The following LMO7 variants were observed in gnomAD, a reference collection of about 807,000 sequenced individuals.
LMO7 encodes the protein LIM domain only protein 7.
In LMO7, 120 loss-of-function variants were observed where a neutral mutation model predicts 206.5. The observed-to-expected ratio is 0.58, with a 90% CI of 0.50 to 0.68. The LOEUF (loss-of-function observed/expected upper bound fraction) is 0.68. LMO7 is among the 30% of genes least tolerant of loss of function. The pLI is 0.00. For missense variants in LMO7, 1,959 were observed against 1,957.9 expected, an observed-to-expected ratio of 1.00 and a Z score of -0.01; for synonymous variants, 706 against 681.5, an observed-to-expected ratio of 1.04 and a Z score of -0.56.
intron 3 of LMO7, among the ~76,000 whole-genome samples, chr13:75,732,498 G>C (rs992575324): frequency 8.5e-5 from 13 of 152,096 alleles, no homozygotes; most frequent in African/African-American, 2.7e-4. Flanking sequence ...GCTCTTCTCT[G>C]TATTGGTTAT....
chr13:75,858,264 G>A lies in LMO7; in HGVS notation c.*321G>A, dbSNP rs2061118061. 1 of 286,438 alleles carries A rather than the reference G, an allele frequency of 3.5e-6. No individual in the cohort carries two copies. Among genetic ancestry groups the A allele is most frequent in the Admixed American group, 5.2e-5 (1 of 19,398 alleles). The allele number at this position is 286,438 out of a possible 1,614,324, so 17.7% of individuals were successfully genotyped here. A position where few individuals can be genotyped will look rare whatever the true frequency, so the allele number is the denominator to read the frequency against. On this transcript the variant is annotated 3_prime_UTR_variant, in exon 31 of 31. Transcript: ENST00000377534. ...ATGATCTAGTTTGACTTTCTAGTTAGTGGTGTTTTGAAGAGGGTATTTTAT... is the reference window on the plus strand; with the variant it reads ...ATGATCTAGTTTGACTTTCTAGTTAATGGTGTTTTGAAGAGGGTATTTTAT...
chr13:75,699,814 G>A (rs993698879), intron 1 of LMO7, among the ~76,000 whole-genome samples: 1 of 152,190 alleles, frequency 6.6e-6, no homozygotes, highest in Non-Finnish European at 1.5e-5. Context: ...CAAGAGCAGA[G>A]AACTGGTCTG....
At chr13:75,706,928 G>A (rs2042701251) in intron 1 of LMO7, among the ~76,000 whole-genome samples, 1 of 151,960 alleles carries the variant, frequency 6.6e-6, no homozygotes, top group African/African-American at 2.4e-5. Context: ...TAAACGTTCT[G>A]AGCCTCGAAT....
chr13:75,682,831 A>G (rs914989716), intron 1 of LMO7, among the ~76,000 whole-genome samples: 3 of 152,208 alleles, frequency 2.0e-5, no homozygotes, highest in African/African-American at 7.2e-5. Flanking sequence ...ATAAATGTCC[A>G]TTGAATTAAT....
chr13:75,776,978 G>T (rs2140204546), intron 4 of LMO7, among the ~76,000 whole-genome samples: 1 of 152,306 alleles, frequency 6.6e-6, no homozygotes, highest in East Asian at 1.9e-4. Flanking sequence ...CTCATTCAGG[G>T]CAGTCCTTTT....
At position 75,807,567 on chromosome 13, in the gene LMO7, C is replaced by T. The variant is rs754523438; in HGVS notation, c.1284C>T (p.Gly428=). 6.2e-7 allele frequency: 1 copy of T among 1,613,966 alleles called. No homozygotes were observed. Among genetic ancestry groups the T allele is most frequent in the South Asian group, 1.1e-5 (1 of 91,082 alleles). Residue 428 remains glycine, a synonymous_variant, in exon 10 of 31, where the codon GGC becomes GGT. Coordinates refer to ENST00000377534, the MANE Select transcript of LMO7 (RefSeq NM_001306080.2). The part of the protein sequence containing the change: ...ETHTKIDPTS[G]PRLITRRKNL... ...ATACCAAAATTGATCCCACTTCTGG[C>T]CCAAGGCTCATAACCCGCAGGAAGA... is the stretch of plus-strand genomic sequence containing the variant.
At chr13:75,796,849 A>G in intron 6 of LMO7, 100 bp downstream of exon 6, 1 of 739,936 alleles carries the variant, frequency 1.4e-6, no homozygotes, top group African/African-American at 1.8e-5. Flanking sequence ...TCTATAACAA[A>G]TATGGCAACT....
intron 23 of LMO7, 31 bp from the exon 24 acceptor site, chr13:75,841,597 A>C: frequency 1.4e-6 from 2 of 1,429,414 alleles, no homozygotes; most frequent in Non-Finnish European, 1.9e-6. Flanking sequence ...AAACAGATTT[A>C]GATGGATTTC....
chr13:75,693,714 C>G (rs1178131719), intron 1 of LMO7, among the ~76,000 whole-genome samples: 1 of 152,154 alleles, frequency 6.6e-6, no homozygotes, highest in African/African-American at 2.4e-5. Flanking sequence ...TTTCCCCCAG[C>G]GTAGGTGCCA....
intron 17 of LMO7, among the ~76,000 whole-genome samples, chr13:75,834,792 A>T (rs749942741): frequency 6.6e-6 from 1 of 152,174 alleles, no homozygotes. Context: ...ATTTATTCTC[A>T]AAGAACTTTC....
At chr13:75,676,985 A>G (rs1463840267) in intron 1 of LMO7, among the ~76,000 whole-genome samples, 1 of 152,234 alleles carries the variant, frequency 6.6e-6, no homozygotes, top group African/African-American at 2.4e-5. Flanking sequence ...TCCTAGTAGT[A>G]CAAATTTATT....
At chr13:75,705,907 TTAAA>T (rs75828161) in intron 1 of LMO7, among the ~76,000 whole-genome samples, 10 of 141,108 alleles carry the variant, frequency 7.1e-5, no homozygotes, top group Non-Finnish European at 1.5e-4. Context: ...GTTTCTTCCT[TTAAA>T]TAAAGGATGT....
chr13:75,696,734 G>C, intron 1 of LMO7, among the ~76,000 whole-genome samples: 1 of 152,108 alleles, frequency 6.6e-6, no homozygotes, highest in East Asian at 1.9e-4. Context: ...GGTGAGTCCT[G>C]TCCACAGGGC....
chr13:75,848,894 T>C, intron 26 of LMO7, 185 bp from the exon 27 acceptor site: 1 of 553,248 alleles, frequency 1.8e-6, no homozygotes. Context: ...GAGTGCTCCC[T>C]TTTCCCTGCA....
At chr13:75,802,734 G>A (rs563216312) in intron 7 of LMO7, among the ~76,000 whole-genome samples, 2 of 152,144 alleles carry the variant, frequency 1.3e-5, no homozygotes, top group South Asian at 4.2e-4. Context: ...ACTAAGCGGG[G>A]AAAAAAAGCC....
At chr13:75,841,594 T>C (rs778979821) in intron 23 of LMO7, 34 bp from the exon 24 acceptor site, 1 of 1,417,490 alleles carries the variant, frequency 7.1e-7, no homozygotes, top group Non-Finnish European at 9.7e-7. Flanking sequence ...AATAAACAGA[T>C]TTAGATGGAT....
intron 1 of LMO7, among the ~76,000 whole-genome samples, chr13:75,645,318 C>A (rs944022513): frequency 6.6e-6 from 1 of 152,202 alleles, no homozygotes; most frequent in South Asian, 2.1e-4. Context: ...GAAATTTGAT[C>A]TAGATGTGTG....
At chr13:75,734,613 G>A (rs1345801227) in intron 3 of LMO7, among the ~76,000 whole-genome samples, 1 of 152,174 alleles carries the variant, frequency 6.6e-6, no homozygotes, top group African/African-American at 2.4e-5. Context: ...GGTGTTGGTT[G>A]CAGAGTGTTT....
chr13:75,721,390 G>A (rs2044006151), intron 2 of LMO7, among the ~76,000 whole-genome samples: 1 of 152,180 alleles, frequency 6.6e-6, no homozygotes, highest in Non-Finnish European at 1.5e-5. Context: ...GATGCTGTTT[G>A]GAGAGGGAGA....
Sources: allele counts gnomAD v4.1 joint callset (sites outside exome capture counted in the v4.1 genomes callset), GRCh38; gene constraint gnomAD v4.1.1; transcripts MANE v1.5; gene names NCBI Gene and HGNC (gene_info 2026-07-23, HGNC 2026-07-21).